Variants in DYNC1H1 observed in about 807,000 individuals in gnomAD.
The protein encoded by DYNC1H1 is dynein cytoplasmic 1 heavy chain 1.
In DYNC1H1, 51 loss-of-function variants were observed where a neutral mutation model predicts 527.1. The observed-to-expected ratio is 0.10, with a 90% CI of 0.08 to 0.12. The LOEUF (loss-of-function observed/expected upper bound fraction) is 0.12, where lower values mean the gene tolerates loss of function less well. Among genes scored for constraint, DYNC1H1 ranks in the 10% least tolerant of loss-of-function variants. The probability of loss-of-function intolerance (pLI) is 1.00; values close to 1 mark genes in which losing one functional copy is unlikely to be tolerated. For missense variants in DYNC1H1, 2,771 were observed against 5,971.8 expected (o/e 0.46, Z 17.66); for synonymous variants, 2,189 against 2,278.8 (o/e 0.96, Z 1.12).
At position 102,001,226 on chromosome 14, in the gene DYNC1H1, A is replaced by G. The variant is rs1364506950; in HGVS notation, c.4267A>G (p.Asn1423Asp). Residue 1423 changes from asparagine to aspartate, a missense_variant, in exon 20 of 78, where the codon AAT (asparagine) becomes GAT (aspartate). Transcript: ENST00000360184. The surrounding 1 kb of genome is among the most constrained non-coding windows in gnomAD (Gnocchi z 5.0). ...WKQLMKRLHV[N>D]WVVSELTLGQ... The stretch of plus-strand genomic sequence containing the variant: ...ACAGCTCATGAAAAGGCTTCACGTT[A>G]ATTGGGTTGTTTCTGAGCTAACCCT... 6.2e-7 allele frequency: 1 copy of G among 1,614,170 alleles called. No individual in the cohort carries two copies. The highest frequency in any genetic ancestry group is 1.7e-5 in the Admixed American group (1 of 60,022).
Position 102,004,572 on chromosome 14 carries a change from T to A in DYNC1H1, c.4938T>A (p.Asn1646Lys), listed in dbSNP as rs2048174847. 1.2e-6 allele frequency: 2 copies of A among 1,613,966 alleles called. No individual in the cohort carries two copies. The highest frequency in any genetic ancestry group is 1.7e-6 in the Non-Finnish European group (2 of 1,179,960). ...TTGAAATCATTGGAAACAGCAAGAA[T>A]GTCGCTAAATTACAGAAACACTTCA... The part of the protein sequence containing the change: ...DLLEIIGNSK[N>K]VAKLQKHFKK... The change falls in exon 24 of 78, where the codon AAT becomes AAA. Residue 1646 changes from asparagine to lysine, a missense_variant. Coordinates refer to ENST00000360184, the MANE Select transcript of DYNC1H1 (RefSeq NM_001376.5).
intron 16 of DYNC1H1, among the ~76,000 whole-genome samples, chr14:101,999,729 G>A (rs1341996284): frequency 2.0e-5 from 3 of 152,108 alleles, no homozygotes; most frequent in Admixed American, 1.3e-4. Context: ...GCCTTCCAGG[G>A]TACTGAATAA....
At chr14:102,013,436 T>C (rs2048282860) in intron 34 of DYNC1H1, among the ~76,000 whole-genome samples, 1 of 151,930 alleles carries the variant, frequency 6.6e-6, no homozygotes, top group Non-Finnish European at 1.5e-5. Context: ...AGCAGACACT[T>C]AGGGGAGTGA....
At position 101,983,619 on chromosome 14, in the gene DYNC1H1, G is replaced by A. The variant is rs368817833; in HGVS notation, c.1461+10G>A. On this transcript the variant is annotated intron_variant, in intron 7 of 77. Transcript: ENST00000360184. The surrounding 1 kb of genome is among the most constrained non-coding windows in gnomAD (Gnocchi z 5.3). ...GGTCCTGAGGCCACAGGTAAGATTT[G>A]CATTCTAAAAGTTTGTGTTTTGTTT... The A allele has an allele frequency of 6.2e-7, 1 of 1,612,496 alleles. No individual in the cohort carries two copies. The highest frequency in any genetic ancestry group is 8.5e-7 in the Non-Finnish European group (1 of 1,179,180).
At chr14:101,996,872 C>T (rs2141282486) in intron 15 of DYNC1H1, among the ~76,000 whole-genome samples, 163 bp from the exon 16 acceptor site, 1 of 152,256 alleles carries the variant, frequency 6.6e-6, no homozygotes, top group Middle Eastern at 3.4e-3. Context: ...ATCCACCTGC[C>T]TCAGCCTCCC....
In DYNC1H1 at chr14:102,001,356, C is replaced by T. The variant is rs192594531; in HGVS notation, c.4395+2C>T. 362 of 1,614,010 alleles carry T rather than the reference C, an allele frequency of 2.2e-4. 1 individual carries two copies. In the East Asian group the frequency reaches 4.0e-3, roughly 18 times the overall value. On this transcript the variant is annotated splice_donor_variant, in intron 20 of 77. Transcript: ENST00000360184. LOFTEE classifies it low-confidence loss of function (GC_TO_GT_DONOR). This position sits in a 1 kb window ranked among gnomAD's most constrained non-coding sequence, Gnocchi z 5.0. ...GCTTTGGAAGAATTTTTGAAGCAGGCGAGTAATAGGACTGAACGGCTGCTT... is the reference window on the plus strand; with the variant it reads ...GCTTTGGAAGAATTTTTGAAGCAGGTGAGTAATAGGACTGAACGGCTGCTT...
Position 102,010,256 on chromosome 14 carries a change from C to A in DYNC1H1, c.6222-20C>A, listed in dbSNP as rs200368499. On this transcript the variant is annotated intron_variant, in intron 30 of 77. Coordinates refer to ENST00000360184, the MANE Select transcript of DYNC1H1 (RefSeq NM_001376.5). This position sits in a 1 kb window ranked among gnomAD's most constrained non-coding sequence, Gnocchi z 6.0. ...AAAGTATACTGTTATTAAAGATAGC[C>A]TTTTTTTCTTCTTTTCTAGACTATG... is the stretch of plus-strand genomic sequence containing the variant. The A allele has an allele frequency of 1.4e-4, 218 of 1,613,702 alleles. No individual in the cohort carries two copies. Among genetic ancestry groups the A allele is most frequent in the Admixed American group, 1.3e-3 (80 of 59,960 alleles).
chr14:101,967,660 C>T (rs1159184025), intron 1 of DYNC1H1, among the ~76,000 whole-genome samples: 3 of 151,984 alleles, frequency 2.0e-5, no homozygotes, highest in African/African-American at 7.2e-5. Context: ...GGCAACATAG[C>T]AAGACCCTAT....
Position 102,038,886 on chromosome 14 carries a change from A to G in DYNC1H1, c.11206+38A>G. 5.0e-6 allele frequency: 8 copies of G among 1,614,038 alleles called. No homozygotes were observed. The highest frequency in any genetic ancestry group is 6.8e-6 in the Non-Finnish European group (8 of 1,180,028). On this transcript the variant is annotated intron_variant, in intron 59 of 77. Coordinates refer to ENST00000360184, the MANE Select transcript of DYNC1H1 (RefSeq NM_001376.5). This position sits in a 1 kb window ranked among gnomAD's most constrained non-coding sequence, Gnocchi z 7.2. ...CCTGTGGCTTTTAGATGGTTGGTGC[A>G]GGGGAAGGGGCTGAACTTTTAAGTG...
intron 69 of DYNC1H1, chr14:102,043,018 A>G: frequency 8.5e-6 from 4 of 472,286 alleles, no homozygotes; most frequent in Non-Finnish European, 1.6e-5. Context: ...GTGGTGGCTC[A>G]CGCCTGTAAT....
In DYNC1H1 at chr14:102,038,862, C is replaced by T. The variant is rs760283555; in HGVS notation, c.11206+14C>T. ...TTAAACTTCAAGGTAGGATCTGGACCTGTGGCTTTTAGATGGTTGGTGCAG... is the reference window on the plus strand; with the variant it reads ...TTAAACTTCAAGGTAGGATCTGGACTTGTGGCTTTTAGATGGTTGGTGCAG... On this transcript the variant is annotated intron_variant, in intron 59 of 77. Coordinates refer to ENST00000360184, the MANE Select transcript of DYNC1H1 (RefSeq NM_001376.5). The surrounding 1 kb of genome is among the most constrained non-coding windows in gnomAD (Gnocchi z 7.2). 1 of 1,614,156 alleles carries T rather than the reference C, an allele frequency of 6.2e-7. No homozygotes were observed. Among genetic ancestry groups the T allele is most frequent in the South Asian group, 1.1e-5 (1 of 91,074 alleles).
At chr14:102,043,002 C>G (rs374076930) in intron 69 of DYNC1H1, 28 of 516,030 alleles carry the variant, frequency 5.4e-5, no homozygotes, top group African/African-American at 5.0e-4. Flanking sequence ...TCTGGGCAGG[C>G]CAGGAGTGGT....
chr14:101,982,149 G>C (rs2047874650), intron 5 of DYNC1H1, among the ~76,000 whole-genome samples: 1 of 152,138 alleles, frequency 6.6e-6, no homozygotes, highest in Admixed American at 6.5e-5. Context: ...GCACGCGAGG[G>C]ATGTAGATTG....
rs1366928812 is a variant in DYNC1H1, at chr14:102,047,928, G to A, written c.13118G>A (p.Arg4373His). 7 of 1,613,388 alleles carry A rather than the reference G, an allele frequency of 4.3e-6. No homozygotes were observed. The highest frequency in any genetic ancestry group is 2.2e-5 in the East Asian group (1 of 44,856). Residue 4373 changes from arginine (R) to histidine (H), a missense_variant, in exon 73 of 78, where the codon CGC becomes CAC. Around this residue, in one of 32 missense-constraint regions of DYNC1H1, gnomAD observed 170 missense variants for 249.8 expected, o/e 0.68. Coordinates refer to ENST00000360184, the MANE Select transcript of DYNC1H1 (RefSeq NM_001376.5). Reference sequence around the variant, plus strand: ...AGGACAGACTCCACGTCCGACGGGCGCCCTGCCTGGATGCGGACACTGCAC... The same window carrying A: ...AGGACAGACTCCACGTCCGACGGGCACCCTGCCTGGATGCGGACACTGCAC... ...KTRTDSTSDG[R>H]PAWMRTLHTT...
intron 5 of DYNC1H1, 22 bp downstream of exon 5, chr14:101,980,572 C>A (rs17511970): frequency 2.1e-5 from 34 of 1,612,524 alleles, no homozygotes; most frequent in Middle Eastern, 1.6e-4. Context: ...AACTAATAAT[C>A]TGATCAGTAA....
At position 102,038,501 on chromosome 14, in the gene DYNC1H1, C is replaced by T. The variant is rs17541505; in HGVS notation, c.10950C>T (p.Asn3650=). The change falls in exon 58 of 78, where the codon AAC becomes AAT. Residue 3650 remains asparagine, a synonymous_variant. Transcript: ENST00000360184. This position sits in a 1 kb window ranked among gnomAD's most constrained non-coding sequence, Gnocchi z 7.2. The part of the protein sequence containing the change: ...SYDPVLNPVL[N]REVRRTGGRV... ...ATCCAGTTTTGAACCCGGTGCTGAA[C>T]CGTGAAGTGCGGCGAACAGGGGGGA... The T allele has an allele frequency of 0.068, 110,353 of 1,614,040 alleles. 4,145 individuals carry two copies. The highest frequency in any genetic ancestry group is 0.12 in the South Asian group (11,259 of 91,066).
At position 102,027,235 on chromosome 14, in the gene DYNC1H1, A is replaced by C; in HGVS notation, c.8833A>C (p.Thr2945Pro). 1 of 1,613,908 alleles carries C rather than the reference A, an allele frequency of 6.2e-7. No homozygotes were observed. The highest frequency in any genetic ancestry group is 8.5e-7 in the Non-Finnish European group (1 of 1,179,978). Reference protein sequence around the residue: ...LIGVSGAGKTTLSRFVAWMNG... With the variant: ...LIGVSGAGKTPLSRFVAWMNG... ...TGGTGTTAGTGGAGCAGGAAAAACT[A>C]CCCTGTCTCGTTTCGTCGCCTGGAT... Residue 2945 changes from threonine (T) to proline (P), a missense_variant, in exon 45 of 78, where the codon ACC becomes CCC. By Grantham distance (38) the Thr-to-Pro change is conservative. Coordinates refer to ENST00000360184, the MANE Select transcript of DYNC1H1 (RefSeq NM_001376.5). The surrounding 1 kb of genome is among the most constrained non-coding windows in gnomAD (Gnocchi z 7.7).
chr14:101,970,216 A>G (rs1301646621), intron 1 of DYNC1H1, among the ~76,000 whole-genome samples: 1 of 152,056 alleles, frequency 6.6e-6, no homozygotes, highest in East Asian at 1.9e-4. Flanking sequence ...ATGATGTTAC[A>G]ATGGAAATCT....
intron 1 of DYNC1H1, among the ~76,000 whole-genome samples, chr14:101,968,115 T>C (rs901252991): frequency 6.6e-6 from 1 of 152,230 alleles, no homozygotes; most frequent in Non-Finnish European, 1.5e-5. Context: ...TTTGGTTGTG[T>C]ATCTCCGTTC....
Sources: gnomAD v4.1 joint callset for allele counts (sites outside exome capture counted in the v4.1 genomes callset) on GRCh38, gnomAD v4.1.1 for gene constraint, gnomAD v4.1.1 regional missense constraint, Gnocchi (gnomAD v3.1) non-coding constraint, MANE v1.5 for transcripts, NCBI Gene and HGNC (gene_info 2026-07-23, HGNC 2026-07-21) for gene names.